The following FNDC3A variants were observed in gnomAD, a reference collection of about 807,000 sequenced individuals.
FNDC3A encodes the protein fibronectin type-III domain-containing protein 3A.
A neutral mutation model predicts 148.9 loss-of-function variants in FNDC3A; 32 were observed. The observed-to-expected ratio is 0.21, with a 90% CI of 0.16 to 0.29. FNDC3A has a LOEUF of 0.29. Ranked by LOEUF, FNDC3A falls within the 10% of genes least tolerant of loss-of-function variation. The pLI is 1.00. For missense variants in FNDC3A, 1,191 were observed against 1,452.8 expected (o/e 0.82, Z 2.93); for synonymous variants, 472 against 473.6 (o/e 1.00, Z 0.04).
intron 3 of FNDC3A, among the ~76,000 whole-genome samples, chr13:49,087,237 ACTGATGACAAAAGGAAAT>A (rs1321580448): frequency 1.3e-5 from 2 of 152,138 alleles, no homozygotes; most frequent in African/African-American, 4.8e-5. Flanking sequence ...TTTTTTAATG[ACTGATGACAAAAGGAAAT>A]TAGGATCCAG....
At chr13:49,127,107 C>T (rs1185779307) in intron 4 of FNDC3A, among the ~76,000 whole-genome samples, 1 of 152,194 alleles carries the variant, frequency 6.6e-6, no homozygotes, top group East Asian at 1.9e-4. Flanking sequence ...CTTTCCTGCT[C>T]CTGTCCAGAC....
chr13:49,040,138 C>G (rs1470425243), intron 2 of FNDC3A, among the ~76,000 whole-genome samples: 3 of 152,172 alleles, frequency 2.0e-5, no homozygotes, highest in African/African-American at 7.2e-5. Context: ...TTCTTATCTG[C>G]CCTTTGGTAG....
chr13:49,001,789 A>G (rs1952129789), intron 1 of FNDC3A, among the ~76,000 whole-genome samples: 1 of 152,198 alleles, frequency 6.6e-6, no homozygotes, highest in Admixed American at 6.5e-5. Context: ...GATGTTATCA[A>G]TGACAGTGCG....
chr13:49,136,353 G>C lies in FNDC3A; in HGVS notation c.512G>C (p.Arg171Thr), dbSNP rs1882355989. ...GDVDAHSTHG[R>T]SNFRDERSSK... ...CTAGATGCTCACTCTACACATGGAA[G>C]GTCCAACTTTAGAGATGAACGATCT... is the stretch of plus-strand genomic sequence containing the variant. Residue 171 changes from arginine to threonine, a missense_variant, in exon 6 of 26, where the codon AGG becomes ACG. Arg to Thr is a moderately conservative substitution (Grantham distance 71). Around this residue, in one of 3 missense-constraint regions of FNDC3A, gnomAD observed 426 missense variants for 473.2 expected, o/e 0.90. Transcript: ENST00000492622. 1.2e-6 allele frequency: 2 copies of C among 1,613,774 alleles called. No individual in the cohort carries two copies. The highest frequency in any genetic ancestry group is 1.3e-5 in the African/African-American group (1 of 74,842).
intron 3 of FNDC3A, among the ~76,000 whole-genome samples, chr13:49,096,157 AT>A (rs1338463012): frequency 6.6e-6 from 1 of 152,112 alleles, no homozygotes; most frequent in Non-Finnish European, 1.5e-5. Flanking sequence ...ATGGTCTTTG[AT>A]TAAAGTGCAT....
chr13:49,184,131 C>A (rs1162025387), intron 14 of FNDC3A, among the ~76,000 whole-genome samples: 1 of 152,290 alleles, frequency 6.6e-6, no homozygotes, highest in East Asian at 1.9e-4. Flanking sequence ...ATGTCAAAAT[C>A]AGAAAAACAT....
chr13:49,140,827 G>A (rs1882646871), intron 7 of FNDC3A, among the ~76,000 whole-genome samples: 1 of 152,208 alleles, frequency 6.6e-6, no homozygotes, highest in African/African-American at 2.4e-5. Context: ...AAGATAGAGA[G>A]CAGTCAGAGT....
At chr13:48,983,310 C>T (rs1038453979) in intron 1 of FNDC3A, among the ~76,000 whole-genome samples, 1 of 152,098 alleles carries the variant, frequency 6.6e-6, no homozygotes, top group Admixed American at 6.5e-5. Context: ...ATATATCATA[C>T]TGTAATGTAT....
At chr13:48,991,880 T>C (rs1949329534) in intron 1 of FNDC3A, among the ~76,000 whole-genome samples, 1 of 152,212 alleles carries the variant, frequency 6.6e-6, no homozygotes, top group Non-Finnish European at 1.5e-5. Context: ...TAGCCTATCT[T>C]AAATGTGCTC....
chr13:49,013,246 T>A (rs1426283970), intron 2 of FNDC3A, among the ~76,000 whole-genome samples: 1 of 151,792 alleles, frequency 6.6e-6, no homozygotes, highest in African/African-American at 2.4e-5. Flanking sequence ...GCCTGGGGGG[T>A]TGAGTCTGCA....
At chr13:49,019,528 G>A (rs555279047) in intron 2 of FNDC3A, among the ~76,000 whole-genome samples, 1 of 152,182 alleles carries the variant, frequency 6.6e-6, no homozygotes, top group South Asian at 2.1e-4. Context: ...GATGAACCCG[G>A]TACCTCAGAT....
intron 2 of FNDC3A, among the ~76,000 whole-genome samples, chr13:49,038,920 C>G (rs923429451): frequency 6.6e-6 from 1 of 151,750 alleles, no homozygotes; most frequent in South Asian, 2.1e-4. Flanking sequence ...TATAGGTGAA[C>G]AAGAAGTTAG....
At chr13:49,180,108 A>G (rs908091272) in intron 14 of FNDC3A, among the ~76,000 whole-genome samples, 1 of 152,216 alleles carries the variant, frequency 6.6e-6, no homozygotes, top group African/African-American at 2.4e-5. Flanking sequence ...ATGAGTTCAC[A>G]CCAGATACCT....
intron 2 of FNDC3A, among the ~76,000 whole-genome samples, chr13:49,029,052 C>T (rs2137659762): frequency 6.6e-6 from 1 of 152,246 alleles, no homozygotes; most frequent in Non-Finnish European, 1.5e-5. Flanking sequence ...TGGCCCACTG[C>T]AGCCTTTGCC....
chr13:49,069,856 C>A (rs1566229916), intron 2 of FNDC3A, among the ~76,000 whole-genome samples: 1 of 152,054 alleles, frequency 6.6e-6, no homozygotes. Context: ...TTTGCTAGAG[C>A]AGATACTAGT....
At chr13:48,989,696 T>TG (rs1951873800) in intron 1 of FNDC3A, among the ~76,000 whole-genome samples, 1 of 151,254 alleles carries the variant, frequency 6.6e-6, no homozygotes, top group Non-Finnish European at 1.5e-5. Context: ...ACAATAAGCA[T>TG]AAGAAAGATG....
chr13:49,123,915 A>G (rs1338117667), intron 4 of FNDC3A, among the ~76,000 whole-genome samples: 1 of 152,232 alleles, frequency 6.6e-6, no homozygotes, highest in Admixed American at 6.5e-5. Flanking sequence ...AATTAGTTCA[A>G]CCATTGTGGA....
intron 2 of FNDC3A, among the ~76,000 whole-genome samples, chr13:49,021,295 A>G (rs368034460): frequency 1.3e-5 from 2 of 152,260 alleles, no homozygotes; most frequent in South Asian, 4.1e-4. Flanking sequence ...TATCCTCACC[A>G]CAAGCCAACT....
chr13:49,165,569 C>G (rs569120165), intron 8 of FNDC3A, among the ~76,000 whole-genome samples: 10 of 152,150 alleles, frequency 6.6e-5, no homozygotes, highest in Non-Finnish European at 8.8e-5. Flanking sequence ...GCAGCAGGCC[C>G]AAGCCTACCT....
Sources: allele counts gnomAD v4.1 joint callset (sites outside exome capture counted in the v4.1 genomes callset), GRCh38; gene constraint gnomAD v4.1.1; regional missense constraint gnomAD v4.1.1; transcripts MANE v1.5; gene names NCBI Gene and HGNC (gene_info 2026-07-23, HGNC 2026-07-21).